BPNT1: variants seen among roughly 807,000 people sequenced by gnomAD.
BPNT1 encodes 3'(2'), 5'-bisphosphate nucleotidase 1, also known as 3'(2'),5'-bisphosphate nucleotidase 1.
A neutral mutation model predicts 36.9 loss-of-function variants in BPNT1; 28 were observed. The ratio of observed to expected loss-of-function variants is 0.76; its 90% confidence interval spans 0.56 to 1.04. BPNT1 has a LOEUF of 1.04. BPNT1 is among the 50% of genes least tolerant of loss of function. BPNT1 has a pLI of 0.00. For missense variants in BPNT1, 313 were observed against 372.9 expected (o/e 0.84, Z 1.32); for synonymous variants, 119 against 130.9 (o/e 0.91, Z 0.62).
intron 1 of BPNT1, among the ~76,000 whole-genome samples, chr1:220,082,208 T>C (rs1655242793): frequency 6.7e-6 from 1 of 149,290 alleles, no homozygotes; most frequent in African/African-American, 2.5e-5. Context: ...TGAGACAGAG[T>C]CTTGCTCTGT....
At chr1:220,060,444 C>G (rs559018004) in intron 7 of BPNT1, among the ~76,000 whole-genome samples, 3 of 152,186 alleles carry the variant, frequency 2.0e-5, no homozygotes, top group African/African-American at 7.2e-5. Context: ...CCACTTCACT[C>G]CAGCCTGGGC....
At chr1:220,072,778 G>T in intron 4 of BPNT1, 72 bp downstream of exon 4, 1 of 1,256,178 alleles carries the variant, frequency 8.0e-7, no homozygotes, top group Non-Finnish European at 1.2e-6. Context: ...CATCTTACAT[G>T]CAAATATTAT....
chr1:220,068,379 T>A (rs1663734931), intron 5 of BPNT1, among the ~76,000 whole-genome samples: 1 of 151,954 alleles, frequency 6.6e-6, no homozygotes, highest in Non-Finnish European at 1.5e-5. Context: ...AGAAGGTGTT[T>A]CACCATGTTG....
chr1:220,070,997 C>T (rs1192035950), intron 4 of BPNT1, among the ~76,000 whole-genome samples: 3 of 151,196 alleles, frequency 2.0e-5, no homozygotes, highest in Non-Finnish European at 3.0e-5. Context: ...ATTAGCTGGG[C>T]GTGGTGGCAC....
At chr1:220,064,659 G>A (rs1383156642) in intron 6 of BPNT1, among the ~76,000 whole-genome samples, 1 of 152,096 alleles carries the variant, frequency 6.6e-6, no homozygotes, top group East Asian at 1.9e-4. Flanking sequence ...CATTGGTAGG[G>A]CAATCCCAGA....
chr1:220,075,504 G>C (rs139909322), intron 2 of BPNT1, among the ~76,000 whole-genome samples: 2,161 of 152,262 alleles, frequency 0.014, 19 homozygotes, highest in Middle Eastern at 0.034. Context: ...AAAGAACTGT[G>C]CCTAGCACAC....
intron 5 of BPNT1, among the ~76,000 whole-genome samples, chr1:220,068,883 T>G (rs1305539010): frequency 1.3e-5 from 2 of 152,282 alleles, no homozygotes; most frequent in East Asian, 3.9e-4. Flanking sequence ...TTATTTTAAT[T>G]TGTTGCTCTC....
chr1:220,068,509 T>A (rs560070303), intron 5 of BPNT1, among the ~76,000 whole-genome samples: 14 of 150,756 alleles, frequency 9.3e-5, no homozygotes, highest in Non-Finnish European at 3.0e-5. Flanking sequence ...AATAAAACTC[T>A]AAGCTTAAAA....
In BPNT1 at chr1:220,058,738, A is replaced by G; in HGVS notation, c.*106T>C. ...GAGATGGGGTCTCACGATATTGCCC[A>G]GGCTGGTCTCAAACTCCTGAGCTCA... On this transcript the variant is annotated 3_prime_UTR_variant, in exon 9 of 9. Coordinates refer to ENST00000322067, the MANE Select transcript of BPNT1 (RefSeq NM_006085.6). 8.6e-7 allele frequency: 1 copy of G among 1,158,984 alleles called. No individual in the cohort carries two copies. Among genetic ancestry groups the G allele is most frequent in the Non-Finnish European group, 1.2e-6 (1 of 801,602 alleles). The allele number at this position is 1,158,984 out of a possible 1,614,324, so 71.8% of individuals were successfully genotyped here. A position where few individuals can be genotyped will look rare whatever the true frequency, so the allele number is the denominator to read the frequency against.
chr1:220,077,988 G>A (rs143493321), intron 2 of BPNT1, among the ~76,000 whole-genome samples: 112 of 151,898 alleles, frequency 7.4e-4, no homozygotes, highest in African/African-American at 2.6e-3. Context: ...ACCAGCCTGG[G>A]CAATATACTG....
chr1:220,058,514 T>C lies in BPNT1; in HGVS notation c.*330A>G, dbSNP rs1055726787. ...TCTCCTAGCTAAGTAAATGAAACTT[T>C]AAGTACTTTTTGGGTTTTTGTTTTT... On this transcript the variant is annotated 3_prime_UTR_variant, in exon 9 of 9. Transcript: ENST00000322067. 3.0e-6 allele frequency: 3 copies of C among 995,130 alleles called. No homozygotes were observed. Among genetic ancestry groups the C allele is most frequent in the South Asian group, 4.5e-5 (1 of 22,214 alleles). The allele number at this position is 995,130 out of a possible 1,614,324, so 61.6% of individuals were successfully genotyped here. A position where few individuals can be genotyped will look rare whatever the true frequency, so the allele number is the denominator to read the frequency against.
chr1:220,057,677 A>T lies in BPNT1; in HGVS notation c.*1167T>A, dbSNP rs1662649682. On this transcript the variant is annotated 3_prime_UTR_variant, in exon 9 of 9. Transcript: ENST00000322067. ...GAATAAACTAATCCCCAAAGTCGAG[A>T]ATGTATAATTTTCAAACACTTTTTT... The T allele has an allele frequency of 2.5e-6, 1 of 400,042 alleles. No individual in the cohort carries two copies. The highest frequency in any genetic ancestry group is 2.1e-5 in the South Asian group (1 of 46,870). The allele number at this position is 400,042 out of a possible 1,614,324, so 24.8% of individuals were successfully genotyped here.
At chr1:220,086,696 C>G (rs1295575289) in intron 1 of BPNT1, among the ~76,000 whole-genome samples, 4 of 150,510 alleles carry the variant, frequency 2.7e-5, no homozygotes, top group Admixed American at 6.7e-5. Context: ...CTGCCTCAGC[C>G]TCTTGAGTAG....
At chr1:220,064,119 T>C (rs1663312750) in intron 6 of BPNT1, among the ~76,000 whole-genome samples, 1 of 152,178 alleles carries the variant, frequency 6.6e-6, no homozygotes, top group Non-Finnish European at 1.5e-5. Context: ...TTCTCATCCT[T>C]AATTTAAAGA....
intron 6 of BPNT1, among the ~76,000 whole-genome samples, chr1:220,064,276 A>G (rs2102646348): frequency 1.3e-5 from 2 of 152,334 alleles, no homozygotes; most frequent in Middle Eastern, 6.8e-3. Context: ...ATGTTTTCAC[A>G]CACATCATCT....
At chr1:220,088,474 G>A in intron 1 of BPNT1, among the ~76,000 whole-genome samples, 1 of 103,870 alleles carries the variant, frequency 9.6e-6, no homozygotes, top group Admixed American at 1.3e-4. Flanking sequence ...CAGAGACTCC[G>A]ACTCAAAAAA....
Position 220,089,218 on chromosome 1 carries a change from A to G in BPNT1, c.-9+468T>C, listed in dbSNP as rs1306807008. The stretch of plus-strand genomic sequence containing the variant: ...CCAGTTTGCAAGGGTGTGAGGGAAC[A>G]TGTTCCTGAGCATTGTTGGCAAAGC... On this transcript the variant is annotated intron_variant, in intron 1 of 8. Coordinates refer to ENST00000322067, the MANE Select transcript of BPNT1 (RefSeq NM_006085.6). 2.0e-5 allele frequency among the ~76,000 whole-genome samples: 3 copies of G among 152,044 alleles called. No homozygotes were observed. In the East Asian group the frequency reaches 5.8e-4, roughly 29 times the overall value.
intron 1 of BPNT1, among the ~76,000 whole-genome samples, chr1:220,080,923 C>A (rs1051814835): frequency 6.6e-6 from 1 of 152,202 alleles, no homozygotes; most frequent in Non-Finnish European, 1.5e-5. Flanking sequence ...TCTCTAGCGC[C>A]AATGAAATAA....
chr1:220,061,392 G>C (rs1300207605), intron 7 of BPNT1, among the ~76,000 whole-genome samples: 2 of 152,038 alleles, frequency 1.3e-5, no homozygotes. Flanking sequence ...AAATTAGCCA[G>C]GTGTGGTGGC....
Sources: gnomAD v4.1 joint callset for allele counts (sites outside exome capture counted in the v4.1 genomes callset) on GRCh38, gnomAD v4.1.1 for gene constraint, MANE v1.5 for transcripts, NCBI Gene and HGNC (gene_info 2026-07-23, HGNC 2026-07-21) for gene names.